Variants in SH2B3 observed in about 807,000 individuals in gnomAD.
SH2B3 encodes SH2B adapter protein 3.
SH2B3 carries 43 observed loss-of-function variants against 51.9 expected under a neutral mutation model. That is an observed-to-expected ratio of 0.83 (90% CI 0.65 to 1.07). The LOEUF (loss-of-function observed/expected upper bound fraction) is 1.07, where lower values mean the gene tolerates loss of function less well. Among genes scored for constraint, SH2B3 ranks in the 50% least tolerant of loss-of-function variants. SH2B3 has a pLI of 0.00. For synonymous variants in SH2B3, 396 were observed against 376.0 expected (o/e 1.05, Z -0.62); for missense variants, 952 against 834.3 (o/e 1.14, Z -1.74).
chr12:111,423,673 G>A (rs1350990263), intron 2 of SH2B3, among the ~76,000 whole-genome samples: 1 of 152,102 alleles, frequency 6.6e-6, no homozygotes, highest in African/African-American at 2.4e-5. Context: ...CCCGTCCAGG[G>A]TTCTTAACTT....
chr12:111,433,597 C>T (rs1181069049), intron 2 of SH2B3, among the ~76,000 whole-genome samples: 1 of 151,948 alleles, frequency 6.6e-6, no homozygotes, highest in Non-Finnish European at 1.5e-5. Context: ...GTTCTGTCAC[C>T]CAGCCTGGAG....
chr12:111,415,179 T>A (rs1454180991), intron 1 of SH2B3, among the ~76,000 whole-genome samples: 1 of 152,024 alleles, frequency 6.6e-6, no homozygotes, highest in Non-Finnish European at 1.5e-5. Context: ...AGGGAGGGAG[T>A]CACTGGAGTG....
rs1304836024 is a variant in SH2B3, at chr12:111,439,000, C to G, written c.733-7753C>G. Among the ~76,000 whole-genome samples, 2 of 152,184 alleles carry G rather than the reference C, an allele frequency of 1.3e-5. No individual in the cohort carries two copies. Among genetic ancestry groups the G allele is most frequent in the Non-Finnish European group, 2.9e-5 (2 of 68,038 alleles). On this transcript the variant is annotated intron_variant, in intron 2 of 7. Coordinates refer to ENST00000341259, the MANE Select transcript of SH2B3 (RefSeq NM_005475.3). This position sits in a 1 kb window ranked among gnomAD's most constrained non-coding sequence, Gnocchi z 4.2. ...TGTTTGTTTGTTTGAGACAGTCTTG[C>G]TCTGTTGCCCAGGCTGCAGTGCAGT...
intron 2 of SH2B3, among the ~76,000 whole-genome samples, chr12:111,427,212 C>T (rs1325973070): frequency 6.6e-6 from 1 of 151,672 alleles, no homozygotes; most frequent in Non-Finnish European, 1.5e-5. Context: ...ATAGTGAAAC[C>T]CAGTCTCTAC....
At chr12:111,426,969 G>C (rs931331609) in intron 2 of SH2B3, among the ~76,000 whole-genome samples, 2 of 152,126 alleles carry the variant, frequency 1.3e-5, no homozygotes, top group Non-Finnish European at 2.9e-5. Context: ...CTCCAGGCTG[G>C]GCTGGGCCTG....
chr12:111,443,320 G>A (rs1873614892), intron 2 of SH2B3, among the ~76,000 whole-genome samples: 1 of 152,220 alleles, frequency 6.6e-6, no homozygotes, highest in Non-Finnish European at 1.5e-5. Flanking sequence ...ACTGATCACA[G>A]CACAGGGCCA....
In SH2B3 at chr12:111,448,087, G is replaced by C. The variant is rs756685203; in HGVS notation, c.1513G>C (p.Gly505Arg). ...GGGCCTTCCCCACCTTAGTTCTTCT[G>C]GCTGTCCCCGGGGGCTCAGCCCAGA... ...ELGLPHLSSS[G>R]CPRGLSPEGL... Residue 505 changes from glycine to arginine, a missense_variant, in exon 8 of 8, where the codon GGC becomes CGC. Coordinates refer to ENST00000341259, the MANE Select transcript of SH2B3 (RefSeq NM_005475.3). The C allele has an allele frequency of 4.3e-6, 7 of 1,614,028 alleles. No individual in the cohort carries two copies. The highest frequency in any genetic ancestry group is 5.9e-6 in the Non-Finnish European group (7 of 1,179,980).
intron 2 of SH2B3, among the ~76,000 whole-genome samples, chr12:111,428,524 G>C (rs1426320593): frequency 1.3e-5 from 2 of 152,220 alleles, no homozygotes; most frequent in African/African-American, 4.8e-5. Context: ...AGCACTGATA[G>C]GGCAGGTGAG....
intron 2 of SH2B3, among the ~76,000 whole-genome samples, chr12:111,420,238 T>G (rs4281530): frequency 6.6e-6 from 1 of 151,920 alleles, no homozygotes; most frequent in Non-Finnish European, 1.5e-5. Flanking sequence ...CGTGGTGGTG[T>G]ACGCCTGTGG....
intron 2 of SH2B3, among the ~76,000 whole-genome samples, chr12:111,428,947 G>A (rs889156582): frequency 1.3e-5 from 2 of 151,876 alleles, no homozygotes; most frequent in African/African-American, 4.8e-5. Context: ...TCCGGGTGTG[G>A]GAAAGGGGAA....
In SH2B3 at chr12:111,407,957, G is replaced by A. The variant is rs1195896505; in HGVS notation, c.-28+1680G>A. 1.3e-5 allele frequency among the ~76,000 whole-genome samples: 2 copies of A among 152,240 alleles called. No individual in the cohort carries two copies. Among genetic ancestry groups the A allele is most frequent in the African/African-American group, 4.8e-5 (2 of 41,460 alleles). On this transcript the variant is annotated intron_variant, in intron 1 of 7. Coordinates refer to ENST00000341259, the MANE Select transcript of SH2B3 (RefSeq NM_005475.3). The surrounding 1 kb of genome is among the most constrained non-coding windows in gnomAD (Gnocchi z 4.3). ...AATGGGGGAGTAACAGGTTTGCAGT[G>A]GAGATTTAATGAGCCAGTGTGTAAT...
intron 2 of SH2B3, among the ~76,000 whole-genome samples, chr12:111,443,022 A>G (rs1400033661): frequency 5.9e-5 from 9 of 152,372 alleles, no homozygotes; most frequent in East Asian, 1.9e-4. Context: ...TCCTGGCCCT[A>G]TAAATGTTTG....
chr12:111,447,828 G>A lies in SH2B3; in HGVS notation c.1408+1G>A. 1 of 1,613,274 alleles carries A rather than the reference G, an allele frequency of 6.2e-7. No individual in the cohort carries two copies. Among genetic ancestry groups the A allele is most frequent in the Non-Finnish European group, 8.5e-7 (1 of 1,179,518 alleles). On this transcript the variant is annotated splice_donor_variant, in intron 7 of 7. Transcript: ENST00000341259. LOFTEE classifies it high-confidence loss of function. ...GTGGTAGTCGTCTCCCAACCACCAG[G>A]TCTGACCCTACTGCCCTTTGCTGAA...
intron 2 of SH2B3, among the ~76,000 whole-genome samples, chr12:111,433,891 G>A (rs1872664273): frequency 6.6e-6 from 1 of 152,208 alleles, no homozygotes. Context: ...TGGGATTACA[G>A]GTGTGAGCTA....
intron 2 of SH2B3, among the ~76,000 whole-genome samples, chr12:111,421,786 T>C (rs1230876706): frequency 6.6e-6 from 1 of 152,182 alleles, no homozygotes; most frequent in East Asian, 1.9e-4. Flanking sequence ...AACTGGTTTA[T>C]CCCATCCTCT....
intron 2 of SH2B3, among the ~76,000 whole-genome samples, chr12:111,428,796 G>A (rs375697044): frequency 4.3e-4 from 65 of 152,230 alleles, no homozygotes; most frequent in African/African-American, 1.4e-3. Context: ...GGCCGTGCCC[G>A]TCCGTCCTTG....
At position 111,447,475 on chromosome 12, in the gene SH2B3, C is replaced by T. The variant is rs1874113615; in HGVS notation, c.1167C>T (p.Phe389=). The change falls in exon 6 of 8, where the codon TTC becomes TTT. Residue 389 remains phenylalanine (F), a synonymous_variant. Transcript: ENST00000341259. ...AGGGCCCTGATGCTCATGGAGTGTT[C>T]CTGGTGCGGCAGAGCGAGACGCGGC... ...QLQGPDAHGV[F]LVRQSETRRG... 4 of 1,563,860 alleles carry T rather than the reference C, an allele frequency of 2.6e-6. No individual in the cohort carries two copies. The highest frequency in any genetic ancestry group is 3.5e-6 in the Non-Finnish European group (4 of 1,148,364).
chr12:111,445,350 G>GGGCT (rs902167666), intron 2 of SH2B3, among the ~76,000 whole-genome samples: 3 of 152,212 alleles, frequency 2.0e-5, no homozygotes, highest in Non-Finnish European at 2.9e-5. Flanking sequence ...AGGCTCTGCA[G>GGGCT]GGCTGGCTGG....
chr12:111,429,074 G>A lies in SH2B3; in HGVS notation c.732+10197G>A, dbSNP rs988723218. Among the ~76,000 whole-genome samples the A allele has an allele frequency of 4.6e-5, 7 of 150,998 alleles. No homozygotes were observed. Among genetic ancestry groups the A allele is most frequent in the African/African-American group, 1.7e-4 (7 of 41,254 alleles). ...GAGGAGGAGGAGGAGGAGGAGGGACGGCAGGAAGCCGCCTCGGGCTCTGAC... is the reference window on the plus strand; with the variant it reads ...GAGGAGGAGGAGGAGGAGGAGGGACAGCAGGAAGCCGCCTCGGGCTCTGAC... On this transcript the variant is annotated intron_variant, in intron 2 of 7. Coordinates refer to ENST00000341259, the MANE Select transcript of SH2B3 (RefSeq NM_005475.3). This position sits in a 1 kb window ranked among gnomAD's most constrained non-coding sequence, Gnocchi z 4.4.
Sources: allele counts gnomAD v4.1 joint callset (sites outside exome capture counted in the v4.1 genomes callset), GRCh38; gene constraint gnomAD v4.1.1; non-coding constraint Gnocchi (gnomAD v3.1); transcripts MANE v1.5; gene names NCBI Gene and HGNC (gene_info 2026-07-23, HGNC 2026-07-21).